ANKEF1: variants seen among roughly 807,000 people sequenced by gnomAD.
ANKEF1 encodes the protein ankyrin repeat and EF-hand domain containing 1, also known as ankyrin repeat and EF-hand domain-containing protein 1.
Under a neutral mutation model 65.1 loss-of-function variants are expected in ANKEF1, and 43 were observed. The observed-to-expected ratio is 0.66, with a 90% confidence interval of 0.52 to 0.85. The LOEUF (loss-of-function observed/expected upper bound fraction) is 0.85. Ranked by LOEUF, ANKEF1 falls within the 40% of genes least tolerant of loss-of-function variation. The probability of loss-of-function intolerance (pLI) is 0.00; values close to 1 mark genes in which losing one functional copy is unlikely to be tolerated. For synonymous variants in ANKEF1, 316 were observed against 341.5 expected (o/e 0.93, Z 0.82); for missense variants, 934 against 952.9 (o/e 0.98, Z 0.26).
At chr20:10,043,469 C>G (rs1984319591) in intron 4 of ANKEF1, 148 bp downstream of exon 4, 1 of 712,056 alleles carries the variant, frequency 1.4e-6, no homozygotes, top group East Asian at 2.7e-5. Flanking sequence ...CGTTTATTAT[C>G]TTCATATTGC....
At chr20:10,041,823 G>A (rs568434402) in intron 3 of ANKEF1, among the ~76,000 whole-genome samples, 1 of 152,176 alleles carries the variant, frequency 6.6e-6, no homozygotes, top group South Asian at 2.1e-4. Flanking sequence ...ACTCACTTTT[G>A]CCATCAAGTA....
chr20:10,038,259 T>C lies in ANKEF1; in HGVS notation c.-43T>C. On this transcript the variant is annotated splice_region_variant and 5_prime_UTR_variant, in exon 3 of 11. Transcript: ENST00000378392. ...TATTTTTCTTTTTTGTTGCTTCAGC[T>C]TTAGTTTTGGTCCAGAAAGCATTTT... The C allele has an allele frequency of 7.6e-7, 1 of 1,307,454 alleles. No individual in the cohort carries two copies. Among genetic ancestry groups the C allele is most frequent in the Non-Finnish European group, 1.0e-6 (1 of 986,788 alleles). 81.0% of individuals were successfully genotyped at this position (1,307,454 alleles called of 1,614,324 possible).
intron 2 of ANKEF1, among the ~76,000 whole-genome samples, chr20:10,036,360 A>G (rs1339390929): frequency 2.0e-5 from 3 of 149,944 alleles, no homozygotes; most frequent in East Asian, 1.9e-4. Flanking sequence ...GCCCTATTCC[A>G]TAGATGACAC....
chr20:10,053,045 A>T, intron 8 of ANKEF1, 67 bp from the exon 9 acceptor site: 2 of 1,483,248 alleles, frequency 1.3e-6, no homozygotes, highest in Non-Finnish European at 1.8e-6. Flanking sequence ...GTGCTGAGAT[A>T]TTTTTCTACA....
Position 10,054,595 on chromosome 20 carries a change from G to A in ANKEF1, c.2168G>A (p.Arg723Gln), listed in dbSNP as rs201768005. The change falls in exon 10 of 11, where the codon CGG (arginine) becomes CAG (glutamine). Residue 723 changes from arginine to glutamine, a missense_variant. Coordinates refer to ENST00000378392, the MANE Select transcript of ANKEF1 (RefSeq NM_022096.6). ...AAAGTGGATATCACATTTATTCCAC[G>A]GAGGGTAAGTGCTTCGAAAAGATCT... is the stretch of plus-strand genomic sequence containing the variant. Reference protein sequence around the residue: ...TKKVDITFIPRRIWSPEATTA... With the variant: ...TKKVDITFIPQRIWSPEATTA... 2.6e-5 allele frequency: 42 copies of A among 1,605,422 alleles called. No individual in the cohort carries two copies. The highest frequency in any genetic ancestry group is 4.5e-5 in the East Asian group (2 of 44,498).
chr20:10,036,708 G>C (rs979279819), intron 2 of ANKEF1, among the ~76,000 whole-genome samples: 2 of 152,170 alleles, frequency 1.3e-5, no homozygotes, highest in Non-Finnish European at 2.9e-5. Flanking sequence ...CAGGTGTGGT[G>C]GTGGGCACCT....
At position 10,057,334 on chromosome 20, in the gene ANKEF1, G is replaced by T. The variant is rs1310709733; in HGVS notation, c.*1674G>T. On this transcript the variant is annotated 3_prime_UTR_variant, in exon 11 of 11. Coordinates refer to ENST00000378392, the MANE Select transcript of ANKEF1 (RefSeq NM_022096.6). ...TACAAGCATTGCATTTGGATCCCAA[G>T]ATTTGCTATTACAACTAAATTTTGT... 1 of 152,206 alleles carries T rather than the reference G, an allele frequency of 6.6e-6. No individual in the cohort carries two copies. The allele number at this position is 152,206 out of a possible 1,614,324, so 9.4% of individuals were successfully genotyped here. A position where few individuals can be genotyped will look rare whatever the true frequency, so the allele number is the denominator to read the frequency against.
At chr20:10,051,936 A>G (rs1200709897) in intron 8 of ANKEF1, 47 bp downstream of exon 8, 2 of 1,413,338 alleles carry the variant, frequency 1.4e-6, no homozygotes, top group African/African-American at 2.8e-5. Flanking sequence ...AGGAGAACTT[A>G]TGTTAGATTC....
Position 10,049,795 on chromosome 20 carries a change from G to T in ANKEF1, c.1226G>T (p.Gly409Val). 1 of 1,614,072 alleles carries T rather than the reference G, an allele frequency of 6.2e-7. No homozygotes were observed. The highest frequency in any genetic ancestry group is 8.5e-7 in the Non-Finnish European group (1 of 1,180,018). ...TATTTAAACAAGTCTTTTGTCTTAG[G>T]ATCGTATGGACCTAAGAAAAAGGAA... The part of the protein sequence containing the change: ...TRYLNKSFVL[G>V]SYGPKKKEKG... Residue 409 changes from glycine (G) to valine (V), a missense_variant, in exon 7 of 11, where the codon GGA becomes GTA. By Grantham distance (109) the Gly-to-Val change is moderately radical. Coordinates refer to ENST00000378392, the MANE Select transcript of ANKEF1 (RefSeq NM_022096.6).
At position 10,049,388 on chromosome 20, in the gene ANKEF1, A is replaced by G. The variant is rs1317645923; in HGVS notation, c.821-2A>G. The G allele has an allele frequency of 8.1e-6, 13 of 1,605,958 alleles. No individual in the cohort carries two copies. The highest frequency in any genetic ancestry group is 7.6e-6 in the Non-Finnish European group (9 of 1,176,816). On this transcript the variant is annotated splice_acceptor_variant, in intron 6 of 10. Coordinates refer to ENST00000378392, the MANE Select transcript of ANKEF1 (RefSeq NM_022096.6). LOFTEE classifies it high-confidence loss of function. Reference sequence around the variant, plus strand: ...CATAATTAATGATGCTTTATGTTTTAGGATGTGACCTGAAATGGAAGAATT... The same window carrying G: ...CATAATTAATGATGCTTTATGTTTTGGGATGTGACCTGAAATGGAAGAATT...
chr20:10,036,387 T>G (rs1275656502), intron 2 of ANKEF1, among the ~76,000 whole-genome samples: 2 of 149,930 alleles, frequency 1.3e-5, no homozygotes, highest in African/African-American at 5.1e-5. Flanking sequence ...ATATGCAGTA[T>G]GATGACACCG....
rs758924371 is a variant in ANKEF1 at position 10,050,014 on chromosome 20, CTGTT to C, written c.1448_1451del (p.Val483GlyfsTer25). 3 of 1,614,146 alleles carry C rather than the reference CTGTT, an allele frequency of 1.9e-6. No individual in the cohort carries two copies. Among genetic ancestry groups the C allele is most frequent in the Non-Finnish European group, 2.5e-6 (3 of 1,180,018 alleles). On this transcript the variant is annotated frameshift_variant, in exon 7 of 11. Coordinates refer to ENST00000378392, the MANE Select transcript of ANKEF1 (RefSeq NM_022096.6). LOFTEE classifies it high-confidence loss of function. ...CCAGAACATCCCATTCAGGATGACTCTGTTTGGTACATTGATGATTCAGAGAAGG... is the reference window on the plus strand; with the variant it reads ...CCAGAACATCCCATTCAGGATGACTCTGGTACATTGATGATTCAGAGAAGG...
intron 3 of ANKEF1, among the ~76,000 whole-genome samples, chr20:10,042,274 C>T (rs879683946): frequency 6.6e-6 from 1 of 152,084 alleles, no homozygotes; most frequent in Admixed American, 6.5e-5. Flanking sequence ...TATATCTTTT[C>T]TAGTATGTAT....
In ANKEF1 at chr20:10,043,156, G is replaced by A. The variant is rs572488472; in HGVS notation, c.381G>A (p.Arg127=). Residue 127 remains arginine, a synonymous_variant, in exon 4 of 11, where the codon CGG becomes CGA. Coordinates refer to ENST00000378392, the MANE Select transcript of ANKEF1 (RefSeq NM_022096.6). ...VLFYCILPTK[R]HYRCALIALE... Reference sequence around the variant, plus strand: ...TTTACTGCATTTTACCGACTAAGCGGCATTATCGCTGTGCTCTGATCGCCC... The same window carrying A: ...TTTACTGCATTTTACCGACTAAGCGACATTATCGCTGTGCTCTGATCGCCC... The A allele has an allele frequency of 5.6e-6, 9 of 1,614,114 alleles. No homozygotes were observed. The East Asian group carries it at 1.8e-4, about 32-fold the overall frequency.
rs1451012679 is a variant in ANKEF1, at chr20:10,038,278, G to A, written c.-24G>A. On this transcript the variant is annotated 5_prime_UTR_variant, in exon 3 of 11. Transcript: ENST00000378392. ...TTCAGCTTTAGTTTTGGTCCAGAAA[G>A]CATTTTCAAGGAGCTGGTCAAGCAT... 1 of 1,396,194 alleles carries A rather than the reference G, an allele frequency of 7.2e-7. No individual in the cohort carries two copies. The highest frequency in any genetic ancestry group is 9.4e-7 in the Non-Finnish European group (1 of 1,061,224). The allele number at this position is 1,396,194 out of a possible 1,614,324, so 86.5% of individuals were successfully genotyped here.
At chr20:10,036,096 G>A (rs190950498) in intron 2 of ANKEF1, among the ~76,000 whole-genome samples, 5 of 152,326 alleles carry the variant, frequency 3.3e-5, no homozygotes, top group Admixed American at 2.0e-4. Context: ...GTCAGTCTTA[G>A]CAGTTGATTG....
rs1454256029 is a variant in ANKEF1 at position 10,057,883 on chromosome 20, T to A, written c.*2223T>A. On this transcript the variant is annotated 3_prime_UTR_variant, in exon 11 of 11. Coordinates refer to ENST00000378392, the MANE Select transcript of ANKEF1 (RefSeq NM_022096.6). ...CTCTTTTAGTTTAGAACAACCTGTATTTCTTGTTTGTTTGTTTGTTTGTTT... is the reference window on the plus strand; with the variant it reads ...CTCTTTTAGTTTAGAACAACCTGTAATTCTTGTTTGTTTGTTTGTTTGTTT... The A allele has an allele frequency of 7.4e-6, 1 of 135,442 alleles. No homozygotes were observed. Among genetic ancestry groups the A allele is most frequent in the Middle Eastern group, 3.5e-3 (1 of 284 alleles). 8.4% of individuals were successfully genotyped at this position (135,442 alleles called of 1,614,324 possible).
intron 5 of ANKEF1, among the ~76,000 whole-genome samples, chr20:10,044,762 A>T (rs542669199): frequency 6.6e-6 from 1 of 152,254 alleles, no homozygotes; most frequent in African/African-American, 2.4e-5. Context: ...CTTATTTAAT[A>T]TTATTCATAG....
intron 9 of ANKEF1, among the ~76,000 whole-genome samples, 180 bp from the exon 10 acceptor site, chr20:10,054,282 C>A (rs1359642619): frequency 6.6e-6 from 1 of 152,110 alleles, no homozygotes; most frequent in Admixed American, 6.6e-5. Context: ...TTAAACAAGG[C>A]AAACTATCTC....
Sources: allele counts gnomAD v4.1 joint callset (sites outside exome capture counted in the v4.1 genomes callset), GRCh38; gene constraint gnomAD v4.1.1; transcripts MANE v1.5; gene names NCBI Gene and HGNC (gene_info 2026-07-23, HGNC 2026-07-21).